Variants in DPP10 observed in about 807,000 individuals in gnomAD.
The protein encoded by DPP10 is inactive dipeptidyl peptidase 10.
DPP10 carries 33 observed loss-of-function variants against 120.9 expected under a neutral mutation model. That is an observed-to-expected ratio of 0.27 (90% CI 0.21 to 0.37). DPP10 has a LOEUF of 0.37. Ranked by LOEUF, DPP10 falls within the 10% of genes least tolerant of loss-of-function variation. DPP10 has a pLI of 1.00. For synonymous variants in DPP10, 337 were observed against 326.1 expected (o/e 1.03, Z -0.36); for missense variants, 816 against 942.8 (o/e 0.87, Z 1.76).
chr2:115,442,250 CTCTGTAAGAGGA>C (rs1320432928), intron 3 of DPP10, among the ~76,000 whole-genome samples: 1 of 152,048 alleles, frequency 6.6e-6, no homozygotes, highest in Non-Finnish European at 1.5e-5. Flanking sequence ...AGCTCACTGG[CTCTGTAAGAGGA>C]TCAGAATCTA....
At chr2:114,757,578 T>C (rs1574118217) in intron 1 of DPP10, among the ~76,000 whole-genome samples, 1 of 152,296 alleles carries the variant, frequency 6.6e-6, no homozygotes, top group Middle Eastern at 3.4e-3. Flanking sequence ...AGACTACTTG[T>C]ATGAGGGCTT....
intron 1 of DPP10, among the ~76,000 whole-genome samples, chr2:114,864,108 T>C (rs1482754292): frequency 6.6e-6 from 1 of 152,226 alleles, no homozygotes; most frequent in Admixed American, 6.5e-5. Flanking sequence ...AGAAACATAA[T>C]GGAGGAACAG....
chr2:115,200,419 T>TA (rs144762857), intron 1 of DPP10, among the ~76,000 whole-genome samples: 2,454 of 152,268 alleles, frequency 0.016, 60 homozygotes, highest in African/African-American at 0.056. Flanking sequence ...ATTAAGTAGC[T>TA]AGCATTTAAT....
chr2:114,540,097 A>G (rs188697945), intron 1 of DPP10, among the ~76,000 whole-genome samples: 1 of 152,332 alleles, frequency 6.6e-6, no homozygotes. Context: ...ATTTTCAAAG[A>G]CAGATACCAC....
intron 5 of DPP10, among the ~76,000 whole-genome samples, chr2:115,544,992 A>G (rs531838662): frequency 2.0e-4 from 31 of 152,110 alleles, no homozygotes; most frequent in African/African-American, 7.0e-4. Context: ...TGGGATAGTT[A>G]CCGAGAAATG....
At chr2:114,844,485 C>T (rs1049942672) in intron 1 of DPP10, among the ~76,000 whole-genome samples, 10 of 151,562 alleles carry the variant, frequency 6.6e-5, no homozygotes, top group Non-Finnish European at 1.0e-4. Flanking sequence ...TTTGTGAATA[C>T]AAGAACTGTA....
intron 1 of DPP10, among the ~76,000 whole-genome samples, chr2:114,516,139 A>T (rs373368960): frequency 6.6e-6 from 1 of 152,196 alleles, no homozygotes; most frequent in Admixed American, 6.5e-5. Context: ...TGCAGATGTT[A>T]CTGGCTCAGC....
At chr2:114,801,272 A>AAAAAG (rs70941008) in intron 1 of DPP10, among the ~76,000 whole-genome samples, 2 of 92,674 alleles carry the variant, frequency 2.2e-5, no homozygotes, top group African/African-American at 7.0e-5. Context: ...CAAAAAAAAA[A>AAAAAG]AAAAAAAGAA....
At chr2:114,877,282 C>G (rs1193129338) in intron 1 of DPP10, among the ~76,000 whole-genome samples, 1 of 152,054 alleles carries the variant, frequency 6.6e-6, no homozygotes. Flanking sequence ...CTTATCCTAT[C>G]TTTCTTCCAC....
At chr2:115,154,873 A>T (rs896962263) in intron 1 of DPP10, among the ~76,000 whole-genome samples, 1 of 151,922 alleles carries the variant, frequency 6.6e-6, no homozygotes, top group Admixed American at 6.6e-5. Context: ...GGTGTAAAAA[A>T]ATTGCGGTTT....
intron 1 of DPP10, among the ~76,000 whole-genome samples, chr2:114,820,204 C>A (rs1180607508): frequency 2.6e-5 from 4 of 152,154 alleles, no homozygotes; most frequent in Non-Finnish European, 5.9e-5. Context: ...TCTGATGTAA[C>A]CTCAACAACA....
At chr2:115,407,304 G>A (rs965448057) in intron 3 of DPP10, among the ~76,000 whole-genome samples, 1 of 152,204 alleles carries the variant, frequency 6.6e-6, no homozygotes, top group Non-Finnish European at 1.5e-5. Flanking sequence ...TTTGCCAGGG[G>A]ACCCTTGGCT....
intron 5 of DPP10, among the ~76,000 whole-genome samples, chr2:115,565,388 T>G (rs1002321548): frequency 2.6e-5 from 4 of 152,198 alleles, no homozygotes; most frequent in African/African-American, 9.6e-5. Flanking sequence ...TTATGCCCTT[T>G]TAGCTCCAAG....
rs1388010215 is a variant in DPP10 at position 115,845,191 on chromosome 2, AT to A, written c.*2847del. 6.6e-6 allele frequency: 1 copy of A among 152,182 alleles called. No individual in the cohort carries two copies. Among genetic ancestry groups the A allele is most frequent in the Non-Finnish European group, 1.5e-5 (1 of 68,030 alleles). The allele number at this position is 152,182 out of a possible 1,614,324, so 9.4% of individuals were successfully genotyped here. On this transcript the variant is annotated 3_prime_UTR_variant, in exon 26 of 26. Transcript: ENST00000410059. ...ACTGAATTGCTTTCAAGTCTCTAGAATCACTGACAGCACATAGCTTCTATGA... is the reference window on the plus strand; with the variant it reads ...ACTGAATTGCTTTCAAGTCTCTAGAACACTGACAGCACATAGCTTCTATGA...
At chr2:115,561,124 G>A (rs1457874908) in intron 5 of DPP10, among the ~76,000 whole-genome samples, 1 of 152,062 alleles carries the variant, frequency 6.6e-6, no homozygotes, top group Non-Finnish European at 1.5e-5. Context: ...CAAGGCGGGT[G>A]GATTGTCTGA....
At chr2:115,016,996 G>T (rs1167010010) in intron 1 of DPP10, among the ~76,000 whole-genome samples, 1 of 144,408 alleles carries the variant, frequency 6.9e-6, no homozygotes, top group African/African-American at 2.6e-5. Flanking sequence ...TCATAGGTAG[G>T]AATTGAACAA....
At chr2:115,187,984 C>A (rs552657084) in intron 1 of DPP10, among the ~76,000 whole-genome samples, 33 of 151,840 alleles carry the variant, frequency 2.2e-4, no homozygotes, top group Middle Eastern at 3.4e-3. Context: ...AGTGCCACTG[C>A]ACTGAAGCCT....
chr2:114,996,628 C>T (rs1299894903), intron 1 of DPP10, among the ~76,000 whole-genome samples: 2 of 152,100 alleles, frequency 1.3e-5, no homozygotes, highest in African/African-American at 4.8e-5. Context: ...TTTTAATGTA[C>T]ATTATCCATT....
intron 1 of DPP10, among the ~76,000 whole-genome samples, chr2:114,636,378 G>T (rs115725891): frequency 5.9e-5 from 9 of 151,940 alleles, no homozygotes; most frequent in Non-Finnish European, 1.2e-4. Context: ...GCCTGCAGGC[G>T]AGTGGCCTTG....
Sources: allele counts gnomAD v4.1 joint callset (sites outside exome capture counted in the v4.1 genomes callset), GRCh38; gene constraint gnomAD v4.1.1; transcripts MANE v1.5; gene names NCBI Gene and HGNC (gene_info 2026-07-23, HGNC 2026-07-21).